The following GTPBP8 variants were observed in gnomAD, a reference collection of about 807,000 sequenced individuals.
GTPBP8 encodes the protein GTP binding protein 8.
Under a neutral mutation model 27.3 loss-of-function variants are expected in GTPBP8, and 21 were observed. That is an observed-to-expected ratio of 0.77 (90% CI 0.55 to 1.11). GTPBP8 has a LOEUF of 1.11. GTPBP8 is among the 50% of genes least tolerant of loss of function. The probability of loss-of-function intolerance (pLI) is 0.00; values close to 1 mark genes in which losing one functional copy is unlikely to be tolerated. For missense variants in GTPBP8, 380 were observed against 350.8 expected (o/e 1.08, Z -0.67); for synonymous variants, 147 against 135.3 (o/e 1.09, Z -0.60).
intron 2 of GTPBP8, 46 bp from the exon 3 acceptor site, chr3:112,995,086 TGGA>T: frequency 7.2e-7 from 1 of 1,383,338 alleles, no homozygotes; most frequent in Non-Finnish European, 1.0e-6. Flanking sequence ...ATTAACTAGA[TGGA>T]GGACATATCT....
chr3:112,997,047 CTG>C, intron 4 of GTPBP8, 56 bp downstream of exon 4: 1 of 813,242 alleles, frequency 1.2e-6, no homozygotes, highest in Non-Finnish European at 2.1e-6. Flanking sequence ...CTACGTGCAT[CTG>C]TGTGAACATG....
chr3:112,995,258 C>T lies in GTPBP8; in HGVS notation c.559C>T (p.Arg187Ter), dbSNP rs773186241. 38 of 1,586,802 alleles carry T rather than the reference C, an allele frequency of 2.4e-5. No individual in the cohort carries two copies. Among genetic ancestry groups the T allele is most frequent in the African/African-American group, 4.1e-5 (3 of 73,440 alleles). ...VDMVETYLKE[R>*]RNLKRTFLLV... ...CATGGTAGAGACCTATCTAAAAGAA[C>T]GAAGGAAGTAAGGAAAAGATTTTCT... The change falls in exon 3 of 6, where the codon CGA becomes TGA. Residue 187 changes from arginine (R) to a stop codon, truncating the protein, a stop_gained. Transcript: ENST00000383678. LOFTEE classifies it high-confidence loss of function.
intron 1 of GTPBP8, chr3:112,991,751 TAGAC>T (rs1295819845): frequency 8.3e-6 from 3 of 362,836 alleles, no homozygotes; most frequent in Middle Eastern, 8.4e-4. Flanking sequence ...CCAGACAAAT[TAGAC>T]AGAATTTAGA....
chr3:112,998,620 G>A (rs1001891779), intron 4 of GTPBP8, among the ~76,000 whole-genome samples: 1 of 152,118 alleles, frequency 6.6e-6, no homozygotes, highest in Non-Finnish European at 1.5e-5. Context: ...AAAGGTGAGA[G>A]AAGATTACAA....
Position 112,991,016 on chromosome 3 carries a change from T to C in GTPBP8, c.17T>C (p.Leu6Pro). 1.3e-6 allele frequency: 2 copies of C among 1,595,398 alleles called. No homozygotes were observed. The highest frequency in any genetic ancestry group is 2.2e-5 in the South Asian group (2 of 90,250). MAAPGLRLGAGRLFEM... is the reference protein window; with the variant it reads MAAPGPRLGAGRLFEM... ...GAAGGGAGAATGGCGGCGCCCGGGC[T>C]GCGGCTGGGAGCGGGAAGACTCTTT... Residue 6 changes from leucine (L) to proline (P), a missense_variant, in exon 1 of 6, where the codon CTG becomes CCG. By Grantham distance (98) the Leu-to-Pro change is moderately conservative. Coordinates refer to ENST00000383678, the MANE Select transcript of GTPBP8 (RefSeq NM_014170.4).
intron 4 of GTPBP8, 107 bp from the exon 5 acceptor site, chr3:112,999,339 T>C (rs1202259183): frequency 3.8e-6 from 2 of 522,968 alleles, no homozygotes; most frequent in African/African-American, 3.9e-5. Context: ...GGTACAGAGA[T>C]AAATTTGCAC....
At chr3:112,999,303 A>C (rs567380484) in intron 4 of GTPBP8, 143 bp from the exon 5 acceptor site, 3 of 490,358 alleles carry the variant, frequency 6.1e-6, no homozygotes, top group Non-Finnish European at 1.1e-5. Flanking sequence ...ATGGGTCATT[A>C]TTTTTATTTT....
In GTPBP8 at chr3:112,995,227, T is replaced by G; in HGVS notation, c.528T>G (p.Phe176Leu). 1 of 1,609,476 alleles carries G rather than the reference T, an allele frequency of 6.2e-7. No homozygotes were observed. The highest frequency in any genetic ancestry group is 8.5e-7 in the Non-Finnish European group (1 of 1,176,614). The change falls in exon 3 of 6, where the codon TTT becomes TTG. Residue 176 changes from phenylalanine (F) to leucine (L), a missense_variant. Coordinates refer to ENST00000383678, the MANE Select transcript of GTPBP8 (RefSeq NM_014170.4). ...PGYGFRAPEDFVDMVETYLKE... is the reference protein window; with the variant it reads ...PGYGFRAPEDLVDMVETYLKE... The stretch of plus-strand genomic sequence containing the variant: ...ATGGCTTTAGAGCACCTGAAGATTT[T>G]GTTGACATGGTAGAGACCTATCTAA...
At chr3:113,000,059 A>C (rs941298549) in intron 5 of GTPBP8, among the ~76,000 whole-genome samples, 1 of 152,094 alleles carries the variant, frequency 6.6e-6, no homozygotes, top group African/African-American at 2.4e-5. Flanking sequence ...AACCTGTAAT[A>C]TTATCAGTGT....
In GTPBP8 at chr3:112,993,133, A is replaced by C. The variant is rs1227060259; in HGVS notation, c.435+9A>C. The C allele has an allele frequency of 7.2e-7, 1 of 1,387,552 alleles. No individual in the cohort carries two copies. The highest frequency in any genetic ancestry group is 1.7e-5 in the Admixed American group (1 of 58,830). 86.0% of individuals were successfully genotyped at this position (1,387,552 alleles called of 1,614,324 possible). On this transcript the variant is annotated intron_variant, in intron 2 of 5. Coordinates refer to ENST00000383678, the MANE Select transcript of GTPBP8 (RefSeq NM_014170.4). ...GAGTCTCCAAAAAACCAGTATGTTG[A>C]AGTTTTTAAATATGTTTGGACTATC...
rs1933716641 is a variant in GTPBP8 at position 112,993,139 on chromosome 3, T to C, written c.435+15T>C. The C allele has an allele frequency of 7.7e-7, 1 of 1,299,500 alleles. No homozygotes were observed. Among genetic ancestry groups the C allele is most frequent in the Non-Finnish European group, 1.1e-6 (1 of 896,032 alleles). The allele number at this position is 1,299,500 out of a possible 1,614,324, so 80.5% of individuals were successfully genotyped here. A position where few individuals can be genotyped will look rare whatever the true frequency, so the allele number is the denominator to read the frequency against. On this transcript the variant is annotated intron_variant, in intron 2 of 5. Transcript: ENST00000383678. The stretch of plus-strand genomic sequence containing the variant: ...CCAAAAAACCAGTATGTTGAAGTTT[T>C]TAAATATGTTTGGACTATCTCTTGG...
In GTPBP8 at chr3:112,990,997, A is replaced by G; in HGVS notation, c.-3A>G. The G allele has an allele frequency of 6.3e-7, 1 of 1,587,704 alleles. No individual in the cohort carries two copies. ...CTCTCTGCCCGTCTTCTGGGAAGGG[A>G]GAATGGCGGCGCCCGGGCTGCGGCT... is the stretch of plus-strand genomic sequence containing the variant. On this transcript the variant is annotated 5_prime_UTR_variant, in exon 1 of 6. Transcript: ENST00000383678.
At chr3:112,997,274 TC>T (rs1933804819) in intron 4 of GTPBP8, among the ~76,000 whole-genome samples, 1 of 152,252 alleles carries the variant, frequency 6.6e-6, no homozygotes, top group Admixed American at 6.5e-5. Flanking sequence ...CATATTTTTT[TC>T]TTTTTATGGC....
chr3:112,999,549 A>C lies in GTPBP8; in HGVS notation c.770A>C (p.Gln257Pro). The change falls in exon 5 of 6, where the codon CAG (glutamine) becomes CCG (proline). Residue 257 changes from glutamine to proline, a missense_variant. Gln to Pro is a moderately conservative substitution (Grantham distance 76). Coordinates refer to ENST00000383678, the MANE Select transcript of GTPBP8 (RefSeq NM_014170.4). ...ATGAAAACTCAAGGATGTTTTCCTC[A>C]GTTGTTTCCTGTAAGGTAAGAGTTG... ...VNMKTQGCFP[Q>P]LFPVSAVTFS... is the part of the protein sequence containing the mutation. 2 of 1,374,590 alleles carry C rather than the reference A, an allele frequency of 1.5e-6. No individual in the cohort carries two copies. The highest frequency in any genetic ancestry group is 2.0e-6 in the Non-Finnish European group (2 of 987,862). 85.1% of individuals were successfully genotyped at this position (1,374,590 alleles called of 1,614,324 possible).
intron 1 of GTPBP8, chr3:112,991,622 T>C: frequency 1.6e-6 from 1 of 615,440 alleles, no homozygotes; most frequent in Non-Finnish European, 3.0e-6. Flanking sequence ...CAGCTTAAAT[T>C]ATTTTGGAAT....
At chr3:112,992,572 A>T (rs1933704183) in intron 1 of GTPBP8, 1 of 155,014 alleles carries the variant, frequency 6.5e-6, no homozygotes, top group Non-Finnish European at 1.4e-5. Flanking sequence ...GTGTTACAGT[A>T]TACCATGGGA....
At position 112,991,189 on chromosome 3, in the gene GTPBP8, C is replaced by G; in HGVS notation, c.190C>G (p.Gln64Glu). Residue 64 changes from glutamine (Q) to glutamate (E), a missense_variant, in exon 1 of 6, where the codon CAA (glutamine) becomes GAA (glutamate). Transcript: ENST00000383678. ...GCGGTTCCTCGCCCCCTACGGGAGG[C>G]AAGACCTTCACCTGCGTATCTTTGA... ...VERFLAPYGR[Q>E]DLHLRIFDPS... is the part of the protein sequence containing the mutation. 2 of 1,614,184 alleles carry G rather than the reference C, an allele frequency of 1.2e-6. No individual in the cohort carries two copies. Among genetic ancestry groups the G allele is most frequent in the South Asian group, 1.1e-5 (1 of 91,090 alleles).
rs199953995 is a variant in GTPBP8 at position 112,991,117 on chromosome 3, C to T, written c.118C>T (p.Pro40Ser). The T allele has an allele frequency of 3.7e-6, 6 of 1,612,666 alleles. No homozygotes were observed. In the South Asian group the frequency reaches 6.6e-5, roughly 18 times the overall value. ...SQAFAEVLRLPKQQLRKLLYP... is the reference protein window; with the variant it reads ...SQAFAEVLRLSKQQLRKLLYP... ...AGCTTTTGCTGAGGTGCTGCGGCTG[C>T]CGAAGCAGCAGCTGAGGAAGCTGCT... Residue 40 changes from proline (P) to serine (S), a missense_variant, in exon 1 of 6, where the codon CCG (proline) becomes TCG (serine). By Grantham distance (74) the Pro-to-Ser change is moderately conservative. Transcript: ENST00000383678.
At chr3:112,994,423 CA>C (rs57931589) in intron 2 of GTPBP8, among the ~76,000 whole-genome samples, 7,640 of 108,462 alleles carry the variant, frequency 0.07, 606 homozygotes, top group African/African-American at 0.21. Context: ...AACTCTGTCT[CA>C]AAAAAAAAAA....
Sources: allele counts gnomAD v4.1 joint callset (sites outside exome capture counted in the v4.1 genomes callset), GRCh38; gene constraint gnomAD v4.1.1; transcripts MANE v1.5; gene names NCBI Gene and HGNC (gene_info 2026-07-23, HGNC 2026-07-21).